SYNDIG1: variants seen among roughly 807,000 people sequenced by gnomAD.
The protein encoded by SYNDIG1 is synapse differentiation inducing 1, also known as synapse differentiation-inducing gene protein 1.
A neutral mutation model predicts 19.4 loss-of-function variants in SYNDIG1; 9 were observed. That is an observed-to-expected ratio of 0.46 (90% CI 0.28 to 0.81). The LOEUF (loss-of-function observed/expected upper bound fraction) is 0.81. Ranked by LOEUF, SYNDIG1 falls within the 30% of genes least tolerant of loss-of-function variation. The probability of loss-of-function intolerance (pLI) is 0.12; values close to 1 mark genes in which losing one functional copy is unlikely to be tolerated. For missense variants in SYNDIG1, 311 were observed against 343.3 expected (o/e 0.91, Z 0.74); for synonymous variants, 141 against 145.9 (o/e 0.97, Z 0.24).
At chr20:24,569,572 T>C (rs1474464123) in intron 2 of SYNDIG1, among the ~76,000 whole-genome samples, 2 of 152,198 alleles carry the variant, frequency 1.3e-5, no homozygotes, top group African/African-American at 4.8e-5. Flanking sequence ...TCTCATGCTT[T>C]TTCTATTCTA....
chr20:24,558,192 A>T (rs2057864808), intron 2 of SYNDIG1, among the ~76,000 whole-genome samples: 1 of 152,152 alleles, frequency 6.6e-6, no homozygotes, highest in Admixed American at 6.5e-5. Context: ...TTTTCTGAGG[A>T]AGGAACTCAG....
In SYNDIG1 at chr20:24,665,525, G is replaced by T. The variant is rs2059640512; in HGVS notation, c.*21G>T. On this transcript the variant is annotated 3_prime_UTR_variant, in exon 4 of 4. Transcript: ENST00000376862. ...TGTGAGCTTCCTGCGAATGGAGGGG[G>T]AGCACCCGGGGCCAGGTCTGTGTGG... The T allele has an allele frequency of 1.9e-6, 3 of 1,613,830 alleles. No individual in the cohort carries two copies. Among genetic ancestry groups the T allele is most frequent in the Non-Finnish European group, 2.5e-6 (3 of 1,179,930 alleles).
intron 1 of SYNDIG1, among the ~76,000 whole-genome samples, chr20:24,507,606 C>T (rs943899524): frequency 1.3e-5 from 2 of 152,204 alleles, no homozygotes; most frequent in East Asian, 3.9e-4. Context: ...TTGCCTGCAC[C>T]TGCTTAGTAG....
intron 1 of SYNDIG1, among the ~76,000 whole-genome samples, chr20:24,539,529 G>T (rs1451968450): frequency 6.6e-6 from 1 of 152,162 alleles, no homozygotes; most frequent in African/African-American, 2.4e-5. Flanking sequence ...CAGGAGGTGT[G>T]AGTACTCCTA....
At chr20:24,616,399 C>T (rs1251325797) in intron 3 of SYNDIG1, among the ~76,000 whole-genome samples, 1 of 152,254 alleles carries the variant, frequency 6.6e-6, no homozygotes, top group East Asian at 1.9e-4. Context: ...CGCCCCTCCT[C>T]CACCTGCATC....
intron 2 of SYNDIG1, among the ~76,000 whole-genome samples, chr20:24,557,470 C>G (rs1489218778): frequency 2.0e-5 from 3 of 152,084 alleles, no homozygotes; most frequent in Admixed American, 6.5e-5. Context: ...TGGTGATGTA[C>G]AGATGGGTTT....
intron 1 of SYNDIG1, among the ~76,000 whole-genome samples, chr20:24,538,637 A>T (rs1365599794): frequency 1.3e-5 from 2 of 152,200 alleles, no homozygotes; most frequent in Admixed American, 1.3e-4. Context: ...TTTCTGGACC[A>T]TACGGTAATT....
chr20:24,590,818 G>T (rs6049796), intron 3 of SYNDIG1, among the ~76,000 whole-genome samples: 20,758 of 152,130 alleles, frequency 0.14, 1,614 homozygotes, highest in African/African-American at 0.2. Context: ...ATCAAGCACC[G>T]GCGCGGTGAT....
intron 1 of SYNDIG1, among the ~76,000 whole-genome samples, chr20:24,515,867 G>T (rs2056850781): frequency 6.6e-6 from 1 of 152,112 alleles, no homozygotes; most frequent in African/African-American, 2.4e-5. Flanking sequence ...CCAAAACAGA[G>T]CCCGCATTGC....
At chr20:24,659,441 G>C (rs1395400127) in intron 3 of SYNDIG1, among the ~76,000 whole-genome samples, 1 of 152,198 alleles carries the variant, frequency 6.6e-6, no homozygotes, top group Non-Finnish European at 1.5e-5. Context: ...TGCCAGGTGT[G>C]GGTGATGTGT....
intron 3 of SYNDIG1, among the ~76,000 whole-genome samples, chr20:24,607,524 C>T (rs2058775899): frequency 6.6e-6 from 1 of 152,164 alleles, no homozygotes; most frequent in African/African-American, 2.4e-5. Context: ...GAGCCTCGGC[C>T]CATGACGAAT....
chr20:24,545,045 A>C (rs2057546724), intron 2 of SYNDIG1, among the ~76,000 whole-genome samples: 2 of 152,314 alleles, frequency 1.3e-5, no homozygotes, highest in South Asian at 4.1e-4. Flanking sequence ...CACTTGATAG[A>C]AAGGCCGGAG....
intron 1 of SYNDIG1, among the ~76,000 whole-genome samples, chr20:24,539,756 A>C (rs954092418): frequency 4.6e-5 from 6 of 131,268 alleles, no homozygotes; most frequent in African/African-American, 1.8e-4. Context: ...AATTTTTTTC[A>C]GCAGTGTTTT....
rs2058263059 is a variant in SYNDIG1 at position 24,578,332 on chromosome 20, A to T, written c.481-6524A>T. ...ATGGCACGTACCTGTAATCCCAGCTACTCCAGAGGCTGAGGCAGGAGAATT... is the reference window on the plus strand; with the variant it reads ...ATGGCACGTACCTGTAATCCCAGCTTCTCCAGAGGCTGAGGCAGGAGAATT... On this transcript the variant is annotated intron_variant, in intron 2 of 3. Coordinates refer to ENST00000376862, the MANE Select transcript of SYNDIG1 (RefSeq NM_024893.3). Among the ~76,000 whole-genome samples the T allele has an allele frequency of 2.0e-5, 3 of 151,704 alleles. No homozygotes were observed. The South Asian group carries it at 6.3e-4, about 32-fold the overall frequency.
chr20:24,541,851 A>C (rs1600569004), intron 1 of SYNDIG1, among the ~76,000 whole-genome samples: 1 of 152,350 alleles, frequency 6.6e-6, no homozygotes, highest in East Asian at 1.9e-4. Flanking sequence ...TCCGGAGTGC[A>C]TTGGTACAGA....
intron 2 of SYNDIG1, among the ~76,000 whole-genome samples, chr20:24,557,309 A>G (rs1044395010): frequency 3.9e-5 from 6 of 152,184 alleles, no homozygotes; most frequent in African/African-American, 1.2e-4. Context: ...TCGACTCGTC[A>G]AAGTCATTCT....
At chr20:24,620,272 T>G (rs1032243457) in intron 3 of SYNDIG1, among the ~76,000 whole-genome samples, 4 of 152,206 alleles carry the variant, frequency 2.6e-5, no homozygotes, top group African/African-American at 9.7e-5. Context: ...GGTTGGGAGT[T>G]CAAGAAGCAG....
At chr20:24,596,129 G>T (rs528107053) in intron 3 of SYNDIG1, among the ~76,000 whole-genome samples, 2 of 152,132 alleles carry the variant, frequency 1.3e-5, no homozygotes, top group Non-Finnish European at 2.9e-5. Context: ...TGTTTTAGCT[G>T]TGTCCCAGAG....
intron 3 of SYNDIG1, among the ~76,000 whole-genome samples, chr20:24,630,980 T>C (rs1956976883): frequency 1.3e-5 from 2 of 152,254 alleles, no homozygotes; most frequent in Admixed American, 6.5e-5. Context: ...ATGAGCTGGC[T>C]TGGCTGCTGA....
Sources: allele counts gnomAD v4.1 joint callset (sites outside exome capture counted in the v4.1 genomes callset), GRCh38; gene constraint gnomAD v4.1.1; transcripts MANE v1.5; gene names NCBI Gene and HGNC (gene_info 2026-07-23, HGNC 2026-07-21).